SOD2: variants seen among roughly 807,000 people sequenced by gnomAD.
SOD2 encodes the protein superoxide dismutase 2.
In SOD2, 11 loss-of-function variants were observed where a neutral mutation model predicts 27.0. The observed-to-expected ratio is 0.41, with a 90% CI of 0.26 to 0.67. The LOEUF (loss-of-function observed/expected upper bound fraction) is 0.67. SOD2 is among the 30% of genes least tolerant of loss of function. The pLI, the probability that SOD2 is intolerant of heterozygous loss-of-function variation, is 0.34. For synonymous variants in SOD2, 105 were observed against 103.0 expected (o/e 1.02, Z -0.12); for missense variants, 250 against 274.5 (o/e 0.91, Z 0.63).
At chr6:159,725,004 A>G (rs1778120790) in intron 1 of SOD2, among the ~76,000 whole-genome samples, 1 of 152,150 alleles carries the variant, frequency 6.6e-6, no homozygotes, top group Non-Finnish European at 1.5e-5. Flanking sequence ...AAAACAAAAC[A>G]GAAGTACAGT....
rs2114742304 is a variant in SOD2, at chr6:159,669,544, G to A, written c.*12949C>T. 6.6e-6 allele frequency: 1 copy of A among 152,222 alleles called. No individual in the cohort carries two copies. The highest frequency in any genetic ancestry group is 2.1e-4 in the South Asian group (1 of 4,810). 9.4% of individuals were successfully genotyped at this position (152,222 alleles called of 1,614,324 possible). ...CCTCAGGCCTGGCACAGTGGCTCAT[G>A]CCTATAATCCCAGCACCTTAGGAGG... On this transcript the variant is annotated 3_prime_UTR_variant, in exon 5 of 5. Transcript: ENST00000538183.
chr6:159,753,113 A>G (rs1259344821), intron 1 of SOD2, among the ~76,000 whole-genome samples: 1 of 152,202 alleles, frequency 6.6e-6, no homozygotes, highest in Non-Finnish European at 1.5e-5. Flanking sequence ...CCTTAGTGTA[A>G]TAATACTGGT....
intron 1 of SOD2, chr6:159,739,127 G>T: frequency 8.5e-7 from 1 of 1,175,602 alleles, no homozygotes; most frequent in Non-Finnish European, 1.2e-6. Flanking sequence ...CTTTGTGCCA[G>T]ATATTGTTTT....
intron 2 of SOD2, 70 bp downstream of exon 2, chr6:159,692,591 C>G (rs1401223026): frequency 1.3e-6 from 2 of 1,594,132 alleles, no homozygotes; most frequent in South Asian, 1.1e-5. Context: ...GAGGCCCGTC[C>G]GTATGGGGCC....
intron 1 of SOD2, among the ~76,000 whole-genome samples, chr6:159,703,405 CTT>C (rs35071828): frequency 1.9e-3 from 275 of 147,866 alleles, no homozygotes; most frequent in East Asian, 4.4e-3. Context: ...GGCTTTACCT[CTT>C]TTTTTTTTTT....
intron 1 of SOD2, among the ~76,000 whole-genome samples, chr6:159,757,291 G>A (rs529725635): frequency 2.8e-4 from 42 of 152,302 alleles, no homozygotes; most frequent in Middle Eastern, 3.4e-3. Context: ...CTCGAAAACT[G>A]AGGTACAACT....
In SOD2 at chr6:159,737,876, A is replaced by G. The variant is rs1159907902; in HGVS notation, c.-116+7254T>C. On this transcript the variant is annotated intron_variant, in intron 1 of 3. Coordinates refer to the SOD2 transcript ENST00000537657. ...GAATATACTGTTTCTCAATTTTTGA[A>G]GCATGTTAGCTTATGCCCTTCTTTC... 2.6e-5 allele frequency among the ~76,000 whole-genome samples: 4 copies of G among 152,320 alleles called. No homozygotes were observed. The East Asian group carries it at 7.7e-4, about 29-fold the overall frequency.
Position 159,671,410 on chromosome 6 carries a change from T to A in SOD2, c.*11083A>T, listed in dbSNP as rs1779658237. On this transcript the variant is annotated 3_prime_UTR_variant, in exon 5 of 5. Transcript: ENST00000538183. Reference sequence around the variant, plus strand: ...TGAGATGAAGCTTCCAGAGGAATGATCAGGCAGCAACATTTGCTGTTCAGC... The same window carrying A: ...TGAGATGAAGCTTCCAGAGGAATGAACAGGCAGCAACATTTGCTGTTCAGC... The A allele has an allele frequency of 6.6e-6, 1 of 152,244 alleles. No homozygotes were observed. Among genetic ancestry groups the A allele is most frequent in the South Asian group, 2.1e-4 (1 of 4,830 alleles). 9.4% of individuals were successfully genotyped at this position (152,244 alleles called of 1,614,324 possible). A position where few individuals can be genotyped will look rare whatever the true frequency, so the allele number is the denominator to read the frequency against.
chr6:159,755,748 T>C, intron 1 of SOD2: 1 of 1,140,256 alleles, frequency 8.8e-7, no homozygotes, highest in Non-Finnish European at 1.1e-6. Flanking sequence ...TTTTTTTCTT[T>C]GTTTTTTTTT....
chr6:159,682,807 TATAAA>T (rs958289402), intron 4 of SOD2, among the ~76,000 whole-genome samples, 169 bp from the exon 5 acceptor site: 5 of 152,262 alleles, frequency 3.3e-5, no homozygotes, highest in African/African-American at 1.2e-4. Context: ...TGAATATTCC[TATAAA>T]ATATTTTTAA....
intron 1 of SOD2, among the ~76,000 whole-genome samples, chr6:159,703,479 G>A (rs1476155926): frequency 6.6e-6 from 1 of 151,588 alleles, no homozygotes; most frequent in Middle Eastern, 3.4e-3. Flanking sequence ...CACAAGGAAA[G>A]ATTTAAACCA....
chr6:159,722,943 C>G (rs1350277083), intron 1 of SOD2, among the ~76,000 whole-genome samples: 1 of 152,222 alleles, frequency 6.6e-6, no homozygotes, highest in African/African-American at 2.4e-5. Flanking sequence ...GTCCTCACTT[C>G]TAGCTTATGC....
At chr6:159,741,559 A>T (rs1226935523) in intron 1 of SOD2, 1 of 152,408 alleles carries the variant, frequency 6.6e-6, no homozygotes, top group Non-Finnish European at 1.5e-5. Flanking sequence ...GTGATATCAA[A>T]GTGAATCTGG....
intron 1 of SOD2, chr6:159,726,593 G>C (rs1454722256): frequency 5.5e-6 from 2 of 365,622 alleles, no homozygotes; most frequent in Non-Finnish European, 1.0e-5. Context: ...CCAGATGGCA[G>C]TCTTACTTCA....
At chr6:159,761,530 A>C (rs766663103) in exon 1 of SOD2, 6 of 454,920 alleles carry the variant, frequency 1.3e-5, no homozygotes, top group South Asian at 9.3e-5. Context: ...AACGCATAGG[A>C]CCTCCCGAAG....
chr6:159,743,685 A>C lies in SOD2; in HGVS notation c.-116+1445T>G, dbSNP rs769039086. On this transcript the variant is annotated intron_variant, in intron 1 of 3. Coordinates refer to the SOD2 transcript ENST00000537657. The stretch of plus-strand genomic sequence containing the variant: ...ATCAGCTAATGATGTAACTGGCCTA[A>C]GAGAGTCTGAAGAAAAACTAAAGCA... 5 of 1,612,956 alleles carry C rather than the reference A, an allele frequency of 3.1e-6. 1 individual carries two copies. In the South Asian group the frequency reaches 5.5e-5, roughly 18 times the overall value.
chr6:159,735,912 A>G (rs117466922), intron 1 of SOD2, among the ~76,000 whole-genome samples: 2,768 of 152,196 alleles, frequency 0.018, 27 homozygotes, highest in South Asian at 0.033. Flanking sequence ...TGCGTAGGAT[A>G]CTACTTGAGG....
At chr6:159,757,368 G>A (rs1780037094) in intron 1 of SOD2, among the ~76,000 whole-genome samples, 1 of 151,672 alleles carries the variant, frequency 6.6e-6, no homozygotes, top group Non-Finnish European at 1.5e-5. Flanking sequence ...TCAGCAGTAT[G>A]TTAAATACTG....
upstream of SOD2, among the ~76,000 whole-genome samples, chr6:159,727,864 G>T (rs549926362): frequency 3.9e-5 from 6 of 152,230 alleles, no homozygotes; most frequent in Non-Finnish European, 7.3e-5. Context: ...CTTCCCGCCT[G>T]CGGGGAACAC....
Sources: gnomAD v4.1 joint callset for allele counts (sites outside exome capture counted in the v4.1 genomes callset) on GRCh38, gnomAD v4.1.1 for gene constraint, MANE v1.5 for transcripts, NCBI Gene and HGNC (gene_info 2026-07-23, HGNC 2026-07-21) for gene names.